The following ITGA10 variants were observed in gnomAD, a reference collection of about 807,000 sequenced individuals.
The protein encoded by ITGA10 is integrin alpha-10.
In ITGA10, 105 loss-of-function variants were observed where a neutral mutation model predicts 145.2. That is an observed-to-expected ratio of 0.72 (90% CI 0.62 to 0.85). The LOEUF (loss-of-function observed/expected upper bound fraction) is 0.85. Ranked by LOEUF, ITGA10 falls within the 40% of genes least tolerant of loss-of-function variation. The pLI is 0.00. For synonymous variants in ITGA10, 506 were observed against 557.8 expected (o/e 0.91, Z 1.31); for missense variants, 1,317 against 1,444.5 (o/e 0.91, Z 1.43).
chr1:145,906,563 G>C, intron 4 of ITGA10, 55 bp from the exon 5 acceptor site: 1 of 1,488,770 alleles, frequency 6.7e-7, no homozygotes, highest in Non-Finnish European at 9.4e-7. Context: ...CTCAGAACAT[G>C]CTCCCAGTTG....
At chr1:145,903,099 GCATCTTGC>G (rs1656617088) in intron 7 of ITGA10, 138 bp from the exon 8 acceptor site, 1 of 818,234 alleles carries the variant, frequency 1.2e-6, no homozygotes, top group Non-Finnish European at 1.8e-6. Context: ...CTGAGGTCAG[GCATCTTGC>G]CTTTTAGGCC....
chr1:145,899,476 T>A, intron 15 of ITGA10, 135 bp from the exon 16 acceptor site: 2 of 910,510 alleles, frequency 2.2e-6, no homozygotes, highest in Non-Finnish European at 3.4e-6. Context: ...CCCCGAACCC[T>A]CTGACAGAAG....
At chr1:145,909,819 A>G in intron 1 of ITGA10, 144 bp downstream of exon 1, 1 of 691,104 alleles carries the variant, frequency 1.4e-6, no homozygotes, top group South Asian at 1.6e-5. Context: ...ATGCACAAGG[A>G]CACAGACACA....
In ITGA10 at chr1:145,906,976, G is replaced by A; in HGVS notation, c.274+65C>T. 5 of 1,264,768 alleles carry A rather than the reference G, an allele frequency of 4.0e-6. No individual in the cohort carries two copies. The South Asian group carries it at 7.0e-5, about 18-fold the overall frequency. 78.3% of individuals were successfully genotyped at this position (1,264,768 alleles called of 1,614,324 possible). A position where few individuals can be genotyped will look rare whatever the true frequency, so the allele number is the denominator to read the frequency against. On this transcript the variant is annotated intron_variant, in intron 3 of 29. Coordinates refer to ENST00000369304, the MANE Select transcript of ITGA10 (RefSeq NM_003637.5). ...TAGGGGTGAAAAAGCTGAGGTATAG[G>A]GAGTTGAAGCTTCTAGAGTATCAAA...
At chr1:145,900,756 A>C in intron 14 of ITGA10, 34 bp downstream of exon 14, 8 of 1,604,418 alleles carry the variant, frequency 5.0e-6, no homozygotes, top group Non-Finnish European at 6.8e-6. Context: ...CTCTTCCTAC[A>C]ACCGTGCCCC....
intron 22 of ITGA10, 25 bp downstream of exon 22, chr1:145,896,986 G>A (rs782681129): frequency 9.4e-6 from 15 of 1,602,462 alleles, no homozygotes; most frequent in Non-Finnish European, 1.3e-5. Flanking sequence ...GGAGAGGTCT[G>A]GAAGAAAGTT....
intron 23 of ITGA10, 100 bp downstream of exon 23, chr1:145,896,669 G>C: frequency 1.0e-6 from 1 of 973,192 alleles, no homozygotes; most frequent in South Asian, 1.3e-5. Flanking sequence ...GCAAGGGCTT[G>C]GGTTTTTGGA....
Position 145,902,542 on chromosome 1 carries a change from T to A in ITGA10, c.987A>T (p.Pro329=), listed in dbSNP as rs782605631. 5.6e-6 allele frequency: 9 copies of A among 1,613,868 alleles called. No individual in the cohort carries two copies. Among genetic ancestry groups the A allele is most frequent in the Non-Finnish European group, 7.6e-6 (9 of 1,179,956 alleles). ...TGACATTGAAGAAGAATCGCTCATCTGGATCACTGGCAATAGTTCTAATTT... is the reference window on the plus strand; with the variant it reads ...TGACATTGAAGAAGAATCGCTCATCAGGATCACTGGCAATAGTTCTAATTT... The part of the protein sequence containing the change: ...LREIRTIASD[P]DERFFFNVTD... The change falls in exon 9 of 30, where the codon CCA becomes CCT. Residue 329 remains proline (P), a synonymous_variant. Transcript: ENST00000369304.
At chr1:145,909,496 ATAAT>A (rs1452343220) in intron 1 of ITGA10, among the ~76,000 whole-genome samples, 3 of 101,774 alleles carry the variant, frequency 2.9e-5, no homozygotes, top group Non-Finnish European at 1.7e-5. Context: ...TATATAATAT[ATAAT>A]TATGTTATAT....
rs587672026 is a variant in ITGA10 at position 145,907,471 on chromosome 1, G to C, written c.53-6C>G. The C allele has an allele frequency of 6.8e-6, 11 of 1,614,080 alleles. No individual in the cohort carries two copies. The South Asian group carries it at 1.1e-4, about 16-fold the overall frequency. On this transcript the variant is annotated splice_polypyrimidine_tract_variant and splice_region_variant and intron_variant, in intron 1 of 29. Transcript: ENST00000369304. ...GTTAAAGGGGGAGCAGAGACCTGTG[G>C]GGTCAGGATCATAATGTTAGTATGA...
In ITGA10 at chr1:145,897,579, T is replaced by G. The variant is rs1655610912; in HGVS notation, c.2507A>C (p.Asn836Thr). 6.2e-7 allele frequency: 1 copy of G among 1,613,968 alleles called. No individual in the cohort carries two copies. Among genetic ancestry groups the G allele is most frequent in the Non-Finnish European group, 8.5e-7 (1 of 1,180,014 alleles). Reference sequence around the variant, plus strand: ...GAGACTCAGGCTCGTATTGTAAGCATTTTCCTTTCTGTTCTCCAGAGTTGT... The same window carrying G: ...GAGACTCAGGCTCGTATTGTAAGCAGTTTCCTTTCTGTTCTCCAGAGTTGT... ...VSTTLENRKE[N>T]AYNTSLSLIF... The change falls in exon 20 of 30, where the codon AAT (asparagine) becomes ACT (threonine). Residue 836 changes from asparagine (N) to threonine (T), a missense_variant. Asn to Thr is a moderately conservative substitution (Grantham distance 65). Transcript: ENST00000369304.
Position 145,896,787 on chromosome 1 carries a change from G to A in ITGA10, c.2816C>T (p.Pro939Leu). 6.2e-7 allele frequency: 1 copy of A among 1,613,832 alleles called. No homozygotes were observed. Among genetic ancestry groups the A allele is most frequent in the East Asian group, 2.2e-5 (1 of 44,866 alleles). Residue 939 changes from proline to leucine, a missense_variant, in exon 23 of 30, where the codon CCC (proline) becomes CTC (leucine). Physicochemically the swap from Pro to Leu is moderately conservative, Grantham distance 98. Transcript: ENST00000369304. The stretch of plus-strand genomic sequence containing the variant: ...GGCATACCTAGAGAACAGGAGGTGG[G>A]GCTCATATTGGATGTAGGCTGAGGT... ...AQTSAYIQYE[P>L]HLLFSSESTL...
At chr1:145,909,603 TTA>T (rs1182267216) in intron 1 of ITGA10, among the ~76,000 whole-genome samples, 1 of 137,690 alleles carries the variant, frequency 7.3e-6, no homozygotes, top group African/African-American at 2.7e-5. Flanking sequence ...TATATGTATA[TTA>T]TATATAATAT....
At chr1:145,907,229 G>A (rs1570915686) in intron 2 of ITGA10, 79 bp from the exon 3 acceptor site, 2 of 1,577,962 alleles carry the variant, frequency 1.3e-6, no homozygotes, top group East Asian at 4.6e-5. Context: ...GAGCATGGAG[G>A]TGGTAAGTTT....
At chr1:145,909,160 C>T (rs992386645) in intron 1 of ITGA10, among the ~76,000 whole-genome samples, 6 of 151,354 alleles carry the variant, frequency 4.0e-5, no homozygotes, top group South Asian at 2.1e-4. Context: ...ATTAGCCAGG[C>T]GTGGTAGCAC....
At chr1:145,894,115 C>G (rs1178815988) in intron 27 of ITGA10, among the ~76,000 whole-genome samples, 7 of 133,476 alleles carry the variant, frequency 5.2e-5, no homozygotes, top group Non-Finnish European at 1.1e-4. Context: ...GTAGTGGTTT[C>G]TTTTTTTTTT....
intron 7 of ITGA10, among the ~76,000 whole-genome samples, 161 bp from the exon 8 acceptor site, chr1:145,903,122 C>T (rs1016279563): frequency 1.3e-5 from 2 of 151,546 alleles, no homozygotes; most frequent in South Asian, 4.1e-4. Flanking sequence ...TAGGCCATTT[C>T]CTGAGTATTT....
chr1:145,909,211 G>C (rs900467065), intron 1 of ITGA10, among the ~76,000 whole-genome samples: 2 of 151,174 alleles, frequency 1.3e-5, no homozygotes, highest in Admixed American at 6.6e-5. Flanking sequence ...AAGGTGGAAG[G>C]ATCACCTCAG....
Position 145,901,557 on chromosome 1 carries a change from C to T in ITGA10, c.1402G>A (p.Asp468Asn). Residue 468 changes from aspartate (D) to asparagine (N), a missense_variant, in exon 12 of 30, where the codon GAT (aspartate) becomes AAT (asparagine). Asp to Asn is a conservative substitution (Grantham distance 23). Coordinates refer to ENST00000369304, the MANE Select transcript of ITGA10 (RefSeq NM_003637.5). The surrounding 1 kb of genome is among the most constrained non-coding windows in gnomAD (Gnocchi z 4.3). ...CTCTGGGCAACCCTCACAGCCCCATCTTTCTTAAGCTGGAAGGCGATGACT... is the reference window on the plus strand; with the variant it reads ...CTCTGGGCAACCCTCACAGCCCCATTTTTCTTAAGCTGGAAGGCGATGACT... ...GKVIAFQLKKDGAVRVAQSLQ... is the reference protein window; with the variant it reads ...GKVIAFQLKKNGAVRVAQSLQ... 6.2e-7 allele frequency: 1 copy of T among 1,604,374 alleles called. No individual in the cohort carries two copies. Among genetic ancestry groups the T allele is most frequent in the Non-Finnish European group, 8.5e-7 (1 of 1,175,854 alleles).
Sources: allele counts gnomAD v4.1 joint callset (sites outside exome capture counted in the v4.1 genomes callset), GRCh38; gene constraint gnomAD v4.1.1; non-coding constraint Gnocchi (gnomAD v3.1); transcripts MANE v1.5; gene names NCBI Gene and HGNC (gene_info 2026-07-23, HGNC 2026-07-21).